Variants in STRBP observed in about 807,000 individuals in gnomAD.
The protein encoded by STRBP is spermatid perinuclear RNA binding protein.
STRBP carries 13 observed loss-of-function variants against 80.1 expected under a neutral mutation model. The observed-to-expected ratio is 0.16, with a 90% CI of 0.11 to 0.26. STRBP has a LOEUF of 0.26. STRBP is among the 10% of genes least tolerant of loss of function. The probability of loss-of-function intolerance (pLI) is 1.00; values close to 1 mark genes in which losing one functional copy is unlikely to be tolerated. For synonymous variants in STRBP, 284 were observed against 291.2 expected (o/e 0.98, Z 0.25); for missense variants, 485 against 815.2 (o/e 0.59, Z 4.93).
intron 1 of STRBP, among the ~76,000 whole-genome samples, chr9:123,249,752 C>T (rs186292573): frequency 3.5e-4 from 53 of 152,298 alleles, no homozygotes; most frequent in Non-Finnish European, 2.9e-5. Context: ...TGCAGTTCTG[C>T]AAGTGTGGTT....
intron 1 of STRBP, among the ~76,000 whole-genome samples, chr9:123,247,981 C>T (rs1162048175): frequency 1.3e-5 from 2 of 151,832 alleles, no homozygotes; most frequent in Non-Finnish European, 2.9e-5. Flanking sequence ...TTTTTTAAAT[C>T]GTTATAATAA....
chr9:123,166,341 A>G (rs1172580166), intron 6 of STRBP, among the ~76,000 whole-genome samples: 1 of 152,234 alleles, frequency 6.6e-6, no homozygotes, highest in Admixed American at 6.5e-5. Context: ...ACTTTGTGCC[A>G]GTTATTGTAC....
chr9:123,148,282 C>T (rs182610133), intron 11 of STRBP, among the ~76,000 whole-genome samples: 48 of 152,244 alleles, frequency 3.2e-4, no homozygotes, highest in African/African-American at 1.1e-3. Flanking sequence ...GACTGTTTGT[C>T]CCTTCTGCCA....
At position 123,136,617 on chromosome 9, in the gene STRBP, C is replaced by A; in HGVS notation, c.1498-102G>T. ...CTAAGAAGGAGGCTCAAAAATTCTA[C>A]TTCAAAGCACTCAGGGGCTAGAATG... On this transcript the variant is annotated intron_variant, in intron 14 of 18. Transcript: ENST00000348403. This position sits in a 1 kb window ranked among gnomAD's most constrained non-coding sequence, Gnocchi z 4.2. The A allele has an allele frequency of 7.3e-7, 1 of 1,368,552 alleles. No individual in the cohort carries two copies. Among genetic ancestry groups the A allele is most frequent in the Admixed American group, 2.4e-5 (1 of 41,264 alleles). 84.8% of individuals were successfully genotyped at this position (1,368,552 alleles called of 1,614,324 possible).
At chr9:123,163,587 T>C (rs79275546) in intron 6 of STRBP, among the ~76,000 whole-genome samples, 423 of 152,296 alleles carry the variant, frequency 2.8e-3, no homozygotes, top group African/African-American at 8.8e-3. Context: ...AGAGGAGATA[T>C]AATAATTCAT....
chr9:123,148,268 C>G (rs1209685495), intron 11 of STRBP, among the ~76,000 whole-genome samples: 1 of 152,120 alleles, frequency 6.6e-6, no homozygotes, highest in African/African-American at 2.4e-5. Flanking sequence ...AGATGCCTGA[C>G]AGAGACTGTT....
chr9:123,145,063 C>G (rs898053802), intron 13 of STRBP, among the ~76,000 whole-genome samples: 7 of 152,170 alleles, frequency 4.6e-5, no homozygotes, highest in African/African-American at 1.7e-4. Context: ...TTACTAGTTA[C>G]TGCACATTCT....
chr9:123,261,563 T>C (rs1308771762), intron 1 of STRBP, among the ~76,000 whole-genome samples: 1 of 152,248 alleles, frequency 6.6e-6, no homozygotes, highest in Non-Finnish European at 1.5e-5. Context: ...GTCAATGTTG[T>C]ATAGTTCTAA....
intron 2 of STRBP, among the ~76,000 whole-genome samples, chr9:123,196,963 T>C (rs1042251199): frequency 2.6e-5 from 4 of 152,102 alleles, no homozygotes; most frequent in African/African-American, 9.7e-5. Flanking sequence ...CTATTAACAA[T>C]AGCCAAGATT....
chr9:123,265,124 C>T (rs756210141), intron 1 of STRBP, among the ~76,000 whole-genome samples: 1 of 152,050 alleles, frequency 6.6e-6, no homozygotes, highest in Non-Finnish European at 1.5e-5. Flanking sequence ...TACAGTAATG[C>T]CTTCAGAGCA....
chr9:123,205,855 T>A (rs2039495508), intron 2 of STRBP, among the ~76,000 whole-genome samples: 1 of 152,210 alleles, frequency 6.6e-6, no homozygotes, highest in Non-Finnish European at 1.5e-5. Context: ...GGCTCAGGTG[T>A]TGATATTATA....
intron 1 of STRBP, among the ~76,000 whole-genome samples, chr9:123,260,367 G>T (rs1338261932): frequency 6.6e-6 from 1 of 152,200 alleles, no homozygotes; most frequent in African/African-American, 2.4e-5. Context: ...CATGTCACAG[G>T]AGGCTCAGAA....
chr9:123,147,738 C>T (rs368380237), intron 12 of STRBP, 40 bp downstream of exon 12: 8 of 1,459,640 alleles, frequency 5.5e-6, no homozygotes, highest in African/African-American at 1.4e-5. Context: ...GCTACAAGTC[C>T]TCTCTAGTTT....
intron 14 of STRBP, among the ~76,000 whole-genome samples, chr9:123,138,112 A>T (rs2036437721): frequency 6.6e-6 from 1 of 152,200 alleles, no homozygotes; most frequent in African/African-American, 2.4e-5. Context: ...CCTTCCCACC[A>T]TTACTACAAT....
intron 2 of STRBP, among the ~76,000 whole-genome samples, chr9:123,215,293 G>C (rs2039858629): frequency 7.5e-6 from 1 of 133,468 alleles, no homozygotes; most frequent in Non-Finnish European, 1.5e-5. Context: ...CTGGGCTCAA[G>C]CGATTCTCCA....
intron 2 of STRBP, among the ~76,000 whole-genome samples, chr9:123,216,031 T>A (rs1306317813): frequency 6.6e-6 from 1 of 152,148 alleles, no homozygotes; most frequent in Non-Finnish European, 1.5e-5. Flanking sequence ...AATAAGATGT[T>A]TAACCCTTGG....
At chr9:123,236,218 T>C (rs76988875) in intron 2 of STRBP, among the ~76,000 whole-genome samples, 10,101 of 152,238 alleles carry the variant, frequency 0.066, 458 homozygotes, top group Non-Finnish European at 0.093. Flanking sequence ...AGCAAAATTA[T>C]TGGTGAAATT....
In STRBP at chr9:123,115,291, TACTC is replaced by T; in HGVS notation, c.*84+634_*84+637del. 1 of 471,140 alleles carries T rather than the reference TACTC, an allele frequency of 2.1e-6. No individual in the cohort carries two copies. Among genetic ancestry groups the T allele is most frequent in the Non-Finnish European group, 4.4e-6 (1 of 227,034 alleles). 29.2% of individuals were successfully genotyped at this position (471,140 alleles called of 1,614,324 possible). On this transcript the variant is annotated intron_variant and NMD_transcript_variant, in intron 3 of 3. Coordinates refer to the STRBP transcript ENST00000471564. The surrounding 1 kb of genome is among the most constrained non-coding windows in gnomAD (Gnocchi z 5.0). The stretch of plus-strand genomic sequence containing the variant: ...GGGAAGCCTATCGCTCTTGGTAAAT[TACTC>T]AGTAAGCACTTCTCTCCTGAGGCCT...
chr9:123,197,904 C>T (rs1399440162), intron 2 of STRBP, among the ~76,000 whole-genome samples: 1 of 151,934 alleles, frequency 6.6e-6, no homozygotes, highest in African/African-American at 2.4e-5. Flanking sequence ...AAACTCCTGA[C>T]CTCAAGTTAT....
Sources: gnomAD v4.1 joint callset for allele counts (sites outside exome capture counted in the v4.1 genomes callset) on GRCh38, gnomAD v4.1.1 for gene constraint, Gnocchi (gnomAD v3.1) non-coding constraint, MANE v1.5 for transcripts, NCBI Gene and HGNC (gene_info 2026-07-23, HGNC 2026-07-21) for gene names.